The following DENND4C variants were observed in gnomAD, a reference collection of about 807,000 sequenced individuals.
The protein encoded by DENND4C is DENN domain-containing protein 4C.
Under a neutral mutation model 203.0 loss-of-function variants are expected in DENND4C, and 108 were observed. That is an observed-to-expected ratio of 0.53 (90% confidence interval 0.46 to 0.62). The LOEUF is 0.62. Among genes scored for constraint, DENND4C ranks in the 20% least tolerant of loss-of-function variants. DENND4C has a pLI of 0.00. For missense variants in DENND4C, 2,481 were observed against 2,301.2 expected (o/e 1.08, Z -1.60); for synonymous variants, 871 against 792.4 (o/e 1.10, Z -1.67).
chr9:19,344,806 C>T (rs1822459137), intron 22 of DENND4C, among the ~76,000 whole-genome samples: 1 of 151,568 alleles, frequency 6.6e-6, no homozygotes, highest in Admixed American at 6.6e-5. Flanking sequence ...CCCGGCATAA[C>T]CCTAACTTAA....
In DENND4C at chr9:19,274,983, T is replaced by C. The variant is rs561413605; in HGVS notation, c.-17-1175T>C. 2.6e-3 allele frequency among the ~76,000 whole-genome samples: 401 copies of C among 152,266 alleles called. 3 individuals carry two copies. The highest frequency in any genetic ancestry group is 4.7e-4 in the Non-Finnish European group (32 of 68,018). On this transcript the variant is annotated intron_variant, in intron 1 of 32. Coordinates refer to ENST00000434457, the MANE Select transcript of DENND4C (RefSeq NM_001330640.2). ...TAGTCCACCTCTGACAGTTTAGTAT[T>C]ATTATTTTTTTGAGATGGAGTCTTG...
rs893907638 is a variant in DENND4C, at chr9:19,335,741, C to G, written c.2590-529C>G. 5.3e-5 allele frequency among the ~76,000 whole-genome samples: 8 copies of G among 152,044 alleles called. No homozygotes were observed. The East Asian group carries it at 1.5e-3, about 29-fold the overall frequency. On this transcript the variant is annotated intron_variant, in intron 18 of 32. Transcript: ENST00000434457. ...TCGTTGTGTATATATACCACATTTTCTTCATCCATTCATACATTGATAAAC... is the reference window on the plus strand; with the variant it reads ...TCGTTGTGTATATATACCACATTTTGTTCATCCATTCATACATTGATAAAC...
At chr9:19,336,895 A>G in intron 20 of DENND4C, 63 bp downstream of exon 20, 1 of 1,469,622 alleles carries the variant, frequency 6.8e-7, no homozygotes, top group Non-Finnish European at 9.2e-7. Context: ...TCCTTTTTCA[A>G]AAAGCTTCTT....
At chr9:19,316,978 C>G (rs931297358) in intron 12 of DENND4C, 139 bp downstream of exon 12, 6 of 774,912 alleles carry the variant, frequency 7.7e-6, no homozygotes, top group Middle Eastern at 4.1e-4. Flanking sequence ...TATTTGTAAC[C>G]TAGCTTTATG....
At chr9:19,336,900 C>T in intron 20 of DENND4C, 68 bp downstream of exon 20, 2 of 1,448,598 alleles carry the variant, frequency 1.4e-6, no homozygotes, top group Non-Finnish European at 1.9e-6. Context: ...TTTCAAAAAG[C>T]TTCTTCCATT....
Position 19,252,054 on chromosome 9 carries a change from C to T in DENND4C, c.-18+21221C>T, listed in dbSNP as rs563269392. Among the ~76,000 whole-genome samples the T allele has an allele frequency of 3.3e-5, 5 of 152,276 alleles. No homozygotes were observed. In the South Asian group the frequency reaches 8.3e-4, roughly 25 times the overall value. On this transcript the variant is annotated intron_variant, in intron 1 of 32. Coordinates refer to ENST00000434457, the MANE Select transcript of DENND4C (RefSeq NM_001330640.2). ...TACCAATTTACTGTATTAGTCTGTTCTCACGCTGCTAATAAAGGCATACCT... is the reference window on the plus strand; with the variant it reads ...TACCAATTTACTGTATTAGTCTGTTTTCACGCTGCTAATAAAGGCATACCT...
intron 1 of DENND4C, among the ~76,000 whole-genome samples, chr9:19,262,076 CTTTTTTTTTTTTTTT>C (rs60223074): frequency 1.3e-4 from 7 of 55,528 alleles, no homozygotes; most frequent in South Asian, 2.2e-3. Flanking sequence ...TTTATTAGTT[CTTTTTTTTTTTTTTT>C]TTTTTTTTTT....
intron 30 of DENND4C, among the ~76,000 whole-genome samples, chr9:19,364,405 T>G (rs1827173416): frequency 6.6e-6 from 1 of 152,210 alleles, no homozygotes; most frequent in Non-Finnish European, 1.5e-5. Flanking sequence ...ACTCAGGAAT[T>G]GCAGTTCGAG....
At chr9:19,351,331 C>T (rs561513318) in intron 24 of DENND4C, among the ~76,000 whole-genome samples, 11 of 152,276 alleles carry the variant, frequency 7.2e-5, no homozygotes, top group Non-Finnish European at 1.0e-4. Flanking sequence ...AACGCTAAAA[C>T]TTCTGAGACT....
At chr9:19,313,276 A>G (rs753652534) in intron 10 of DENND4C, among the ~76,000 whole-genome samples, 1 of 152,282 alleles carries the variant, frequency 6.6e-6, no homozygotes, top group South Asian at 2.1e-4. Context: ...CTCTTACTCT[A>G]ATTGGTACAA....
chr9:19,294,711 A>C (rs1214054575), intron 5 of DENND4C, among the ~76,000 whole-genome samples: 1 of 152,248 alleles, frequency 6.6e-6, no homozygotes, highest in Non-Finnish European at 1.5e-5. Context: ...CTTCCTTAAC[A>C]AGGAATGAAA....
At chr9:19,244,237 G>T (rs887862379) in intron 1 of DENND4C, among the ~76,000 whole-genome samples, 1 of 152,024 alleles carries the variant, frequency 6.6e-6, no homozygotes, top group Non-Finnish European at 1.5e-5. Flanking sequence ...TGCCATGTTA[G>T]CCAGGCTGGT....
At chr9:19,371,524 A>G (rs1828828672) in intron 31 of DENND4C, 1 of 288,008 alleles carries the variant, frequency 3.5e-6, no homozygotes. Context: ...TGGAATAGAA[A>G]CCTGCAGGAA....
rs910189119 is a variant in DENND4C, at chr9:19,346,539, C to T, written c.3770C>T (p.Ala1257Val). 23 of 1,613,944 alleles carry T rather than the reference C, an allele frequency of 1.4e-5. No individual in the cohort carries two copies. The highest frequency in any genetic ancestry group is 1.6e-5 in the Non-Finnish European group (19 of 1,180,030). The stretch of plus-strand genomic sequence containing the variant: ...GGACTAGATCCTTTGTCTCTTTTAG[C>T]CACTGAATGTACAGGAGGAAAAACT... ...ETGLDPLSLLATECTGGKTPD... is the reference protein window; with the variant it reads ...ETGLDPLSLLVTECTGGKTPD... The change falls in exon 23 of 33, where the codon GCC becomes GTC. Residue 1257 changes from alanine (A) to valine (V), a missense_variant. Transcript: ENST00000434457.
intron 29 of DENND4C, among the ~76,000 whole-genome samples, 170 bp downstream of exon 29, chr9:19,360,659 C>G (rs1286767913): frequency 6.6e-6 from 1 of 152,090 alleles, no homozygotes; most frequent in African/African-American, 2.4e-5. Context: ...ACCTAAGATC[C>G]TTTTATATTT....
chr9:19,299,783 A>G (rs540225327), intron 8 of DENND4C, among the ~76,000 whole-genome samples: 1 of 152,292 alleles, frequency 6.6e-6, no homozygotes, highest in Non-Finnish European at 1.5e-5. Context: ...GTATATTTCA[A>G]TTTCAGCCTA....
chr9:19,296,316 AT>A, intron 6 of DENND4C, 70 bp downstream of exon 6: 1 of 1,088,792 alleles, frequency 9.2e-7, no homozygotes, highest in Non-Finnish European at 1.3e-6. Flanking sequence ...TGTTTGTGTA[AT>A]TTTTAGCAGC....
intron 1 of DENND4C, among the ~76,000 whole-genome samples, chr9:19,254,363 A>C (rs1827401883): frequency 1.3e-5 from 2 of 152,228 alleles, no homozygotes; most frequent in South Asian, 4.1e-4. Flanking sequence ...TGAATGTGTA[A>C]AGAAATTGTG....
At chr9:19,324,000 C>T (rs1473192788) in intron 12 of DENND4C, among the ~76,000 whole-genome samples, 2 of 152,178 alleles carry the variant, frequency 1.3e-5, no homozygotes, top group African/African-American at 4.8e-5. Flanking sequence ...ACTTAACACA[C>T]ACTTTGTTTC....
Sources: allele counts gnomAD v4.1 joint callset (sites outside exome capture counted in the v4.1 genomes callset), GRCh38; gene constraint gnomAD v4.1.1; transcripts MANE v1.5; gene names NCBI Gene and HGNC (gene_info 2026-07-23, HGNC 2026-07-21).